Variants in MMP26 observed in about 807,000 individuals in gnomAD.
MMP26 encodes matrix metallopeptidase 26, also known as matrix metalloproteinase-26.
Under a neutral mutation model 31.0 loss-of-function variants are expected in MMP26, and 33 were observed. The ratio of observed to expected loss-of-function variants is 1.06; its 90% CI spans 0.81 to 1.42. The LOEUF is 1.42. Ranked by LOEUF, MMP26 falls within the 40% of genes most tolerant of loss-of-function variation. MMP26 has a pLI of 0.00. For synonymous variants in MMP26, 122 were observed against 114.9 expected, an observed-to-expected ratio of 1.06 and a Z score of -0.40; for missense variants, 347 against 316.1, an observed-to-expected ratio of 1.10 and a Z score of -0.74.
intron 2 of MMP26, among the ~76,000 whole-genome samples, chr11:4,959,475 A>C (rs1846491555): frequency 6.6e-6 from 1 of 152,060 alleles, no homozygotes; most frequent in African/African-American, 2.4e-5. Context: ...ATTGAAACAC[A>C]ATCCCTGCCC....
chr11:4,985,200 A>AAT (rs765281955), intron 2 of MMP26, among the ~76,000 whole-genome samples: 21 of 152,116 alleles, frequency 1.4e-4, no homozygotes, highest in Non-Finnish European at 2.6e-4. Flanking sequence ...TGTAAATATC[A>AAT]ATATTTTATC....
At chr11:4,740,507 C>A (rs1848298252) in intron 1 of MMP26, among the ~76,000 whole-genome samples, 1 of 151,814 alleles carries the variant, frequency 6.6e-6, no homozygotes, top group African/African-American at 2.4e-5. Flanking sequence ...CATAGTGAAA[C>A]CTCATCTCTA....
At chr11:4,902,763 G>T (rs73405065) in intron 2 of MMP26, among the ~76,000 whole-genome samples, 5,000 of 152,220 alleles carry the variant, frequency 0.033, 274 homozygotes, top group African/African-American at 0.11. Context: ...TGGAGAATAT[G>T]TAATCTCATT....
chr11:4,762,651 G>T (rs1241376405), intron 1 of MMP26, among the ~76,000 whole-genome samples: 2 of 152,152 alleles, frequency 1.3e-5, no homozygotes, highest in Non-Finnish European at 2.9e-5. Flanking sequence ...GAAATGTCTG[G>T]TTAATCTAGC....
chr11:4,831,314 T>C (rs1391939851), intron 2 of MMP26, among the ~76,000 whole-genome samples: 1 of 152,176 alleles, frequency 6.6e-6, no homozygotes, highest in Non-Finnish European at 1.5e-5. Flanking sequence ...CCTCCTCTGC[T>C]CACTGAGGTG....
intron 2 of MMP26, among the ~76,000 whole-genome samples, chr11:4,887,050 C>G (rs944711285): frequency 6.6e-6 from 1 of 151,778 alleles, no homozygotes; most frequent in Non-Finnish European, 1.5e-5. Context: ...TTTGACTATT[C>G]AATCAATTTT....
chr11:4,922,713 C>T (rs1056068863), intron 2 of MMP26, among the ~76,000 whole-genome samples: 3 of 152,140 alleles, frequency 2.0e-5, no homozygotes, highest in Admixed American at 1.3e-4. Flanking sequence ...AGGCTTTTCC[C>T]CAGTTACTCA....
intron 2 of MMP26, among the ~76,000 whole-genome samples, chr11:4,895,682 G>A (rs1354448408): frequency 6.6e-6 from 1 of 152,184 alleles, no homozygotes; most frequent in Admixed American, 6.5e-5. Context: ...CCAGCCCTTT[G>A]GTAGCACAAG....
intron 2 of MMP26, chr11:4,876,670 T>C (rs551360208): frequency 1.3e-5 from 2 of 152,352 alleles, no homozygotes; most frequent in East Asian, 3.9e-4. Flanking sequence ...GTCTTCTTTA[T>C]AGCACCACGA....
chr11:4,830,294 A>G (rs984611352), intron 2 of MMP26: 1 of 152,170 alleles, frequency 6.6e-6, no homozygotes, highest in African/African-American at 2.4e-5. Flanking sequence ...ATCTTTTCCA[A>G]TGAAAACACT....
chr11:4,811,532 A>G (rs1308176627), intron 2 of MMP26, among the ~76,000 whole-genome samples: 1 of 152,220 alleles, frequency 6.6e-6, no homozygotes, highest in African/African-American at 2.4e-5. Flanking sequence ...GCTGCAAAAT[A>G]CATGATTTCA....
At chr11:4,987,738 T>C (rs1481799105) in intron 2 of MMP26, among the ~76,000 whole-genome samples, 1 of 152,206 alleles carries the variant, frequency 6.6e-6, no homozygotes, top group Non-Finnish European at 1.5e-5. Context: ...ATTTTCATAC[T>C]CTGATCTGGA....
intron 2 of MMP26, among the ~76,000 whole-genome samples, chr11:4,977,204 G>A (rs1846750178): frequency 1.3e-5 from 2 of 152,082 alleles, no homozygotes; most frequent in Admixed American, 1.3e-4. Context: ...TAAACATTGA[G>A]CTAAACATTT....
At chr11:4,786,656 A>T (rs1848950792) in intron 2 of MMP26, 1 of 152,030 alleles carries the variant, frequency 6.6e-6, no homozygotes, top group African/African-American at 2.4e-5. Context: ...GGGAGAGAAC[A>T]TTCCCAACAA....
At chr11:4,731,744 A>G (rs1848176957) in intron 1 of MMP26, among the ~76,000 whole-genome samples, 1 of 152,172 alleles carries the variant, frequency 6.6e-6, no homozygotes, top group Admixed American at 6.5e-5. Flanking sequence ...ACATGTGGCT[A>G]TTTCCTGTCA....
chr11:4,924,052 G>A, intron 2 of MMP26: 1 of 1,614,158 alleles, frequency 6.2e-7, no homozygotes, highest in Non-Finnish European at 8.5e-7. Context: ...AACAGGCAGG[G>A]ATGCCAATCT....
chr11:4,831,785 G>A (rs1450809095), intron 2 of MMP26, among the ~76,000 whole-genome samples: 1 of 152,122 alleles, frequency 6.6e-6, no homozygotes, highest in Non-Finnish European at 1.5e-5. Context: ...ATTCCACTTA[G>A]TTTAATTGAA....
At chr11:4,931,304 T>A (rs891973889) in intron 2 of MMP26, among the ~76,000 whole-genome samples, 10 of 152,066 alleles carry the variant, frequency 6.6e-5, no homozygotes, top group Non-Finnish European at 1.3e-4. Context: ...TTGGTAAACA[T>A]CCCACTTAGT....
intron 2 of MMP26, chr11:4,821,987 T>C (rs1362673976): frequency 2.5e-6 from 4 of 1,613,988 alleles, no homozygotes; most frequent in Admixed American, 1.7e-5. Flanking sequence ...CTCATCCAAC[T>C]CTCCTGCACA....
Sources: allele counts gnomAD v4.1 joint callset (sites outside exome capture counted in the v4.1 genomes callset), GRCh38; gene constraint gnomAD v4.1.1; transcripts MANE v1.5; gene names NCBI Gene and HGNC (gene_info 2026-07-23, HGNC 2026-07-21).